Variants in LAMA3 observed in about 807,000 individuals in gnomAD.
LAMA3 encodes laminin subunit alpha-3.
A neutral mutation model predicts 402.0 loss-of-function variants in LAMA3; 281 were observed. That is an observed-to-expected ratio of 0.70 (90% CI 0.63 to 0.77). LAMA3 has a LOEUF of 0.77. Among genes scored for constraint, LAMA3 ranks in the 30% least tolerant of loss-of-function variants. LAMA3 has a pLI of 0.00. For missense variants in LAMA3, 3,840 were observed against 4,215.5 expected, an observed-to-expected ratio of 0.91 and a Z score of 2.47; for synonymous variants, 1,431 against 1,558.4, an observed-to-expected ratio of 0.92 and a Z score of 1.93.
At chr18:23,756,207 G>C (rs1251824052) in intron 6 of LAMA3, among the ~76,000 whole-genome samples, 20 of 152,052 alleles carry the variant, frequency 1.3e-4, no homozygotes. Flanking sequence ...ACCCTCTCTT[G>C]GGAATAAAAC....
chr18:23,770,259 A>C (rs758806531), intron 8 of LAMA3, among the ~76,000 whole-genome samples: 1 of 152,240 alleles, frequency 6.6e-6, no homozygotes, highest in Non-Finnish European at 1.5e-5. Context: ...ACTTCTGCTC[A>C]AAACAAAACA....
chr18:23,690,163 G>A (rs539368649), intron 1 of LAMA3, among the ~76,000 whole-genome samples, 186 bp downstream of exon 1: 14 of 152,300 alleles, frequency 9.2e-5, no homozygotes, highest in Admixed American at 9.1e-4. Context: ...GCACCGCACC[G>A]GCACCACCGG....
At chr18:23,950,252 G>C in intron 72 of LAMA3, 93 bp downstream of exon 72, 1 of 1,423,536 alleles carries the variant, frequency 7.0e-7, no homozygotes, top group Non-Finnish European at 9.9e-7. Context: ...TAGAGAATGG[G>C]ATCCAATCTT....
At chr18:23,926,710 G>T (rs1419775916) in intron 62 of LAMA3, among the ~76,000 whole-genome samples, 1 of 152,164 alleles carries the variant, frequency 6.6e-6, no homozygotes, top group African/African-American at 2.4e-5. Context: ...TATTTGCCTG[G>T]ACTTCAGTTA....
intron 34 of LAMA3, among the ~76,000 whole-genome samples, chr18:23,860,261 C>CTTTTTTTTTTTTTT (rs59852195): frequency 8.9e-6 from 1 of 112,650 alleles, no homozygotes. Flanking sequence ...CTTTTCTTTT[C>CTTTTTTTTTTTTTT]TTTTTTTTTT....
chr18:23,816,702 A>G (rs1363338404), intron 18 of LAMA3, among the ~76,000 whole-genome samples: 1 of 152,182 alleles, frequency 6.6e-6, no homozygotes, highest in Non-Finnish European at 1.5e-5. Flanking sequence ...TGTGTAGACC[A>G]TGAAGTACTT....
At chr18:23,714,168 CTT>C in intron 2 of LAMA3, 96 bp downstream of exon 2, 1 of 1,254,902 alleles carries the variant, frequency 8.0e-7, no homozygotes, top group Non-Finnish European at 1.1e-6. Context: ...AAAAAACAAA[CTT>C]CAGTTTTAAT....
rs145617973 is a variant in LAMA3, at chr18:23,807,035, T to C, written c.1604-3331T>C. Among the ~76,000 whole-genome samples, 11 of 152,354 alleles carry C rather than the reference T, an allele frequency of 7.2e-5. No homozygotes were observed. In the East Asian group the frequency reaches 2.1e-3, roughly 29 times the overall value. ...TTTGATTAGGAGTATCTAATAGTGA[T>C]ATTTTTGTGTATCTCTATTACCACA... On this transcript the variant is annotated intron_variant, in intron 12 of 74. Coordinates refer to ENST00000313654, the MANE Select transcript of LAMA3 (RefSeq NM_198129.4).
At chr18:23,837,138 C>G in intron 25 of LAMA3, 49 bp downstream of exon 25, 1 of 1,298,620 alleles carries the variant, frequency 7.7e-7, no homozygotes, top group Non-Finnish European at 1.1e-6. Context: ...TTGCTGATAT[C>G]TATATTTTTT....
chr18:23,760,961 A>G (rs778339676), intron 7 of LAMA3, among the ~76,000 whole-genome samples: 2 of 151,908 alleles, frequency 1.3e-5, no homozygotes, highest in Non-Finnish European at 2.9e-5. Flanking sequence ...CCCATCTCCT[A>G]ATAACTGGTG....
At chr18:23,953,267 G>C (rs1205733548) in intron 74 of LAMA3, among the ~76,000 whole-genome samples, 158 bp downstream of exon 74, 1 of 151,748 alleles carries the variant, frequency 6.6e-6, no homozygotes, top group Non-Finnish European at 1.5e-5. Flanking sequence ...AGGAGCACTT[G>C]TCAGGTCAGC....
intron 1 of LAMA3, among the ~76,000 whole-genome samples, chr18:23,704,308 C>G (rs1377415627): frequency 2.0e-5 from 3 of 152,174 alleles, no homozygotes; most frequent in Non-Finnish European, 4.4e-5. Flanking sequence ...CCGTCCAAAT[C>G]TAAGACAGCA....
At chr18:23,884,047 GGTGTGTGT>G (rs60711151) in intron 40 of LAMA3, among the ~76,000 whole-genome samples, 4,638 of 138,778 alleles carry the variant, frequency 0.033, 96 homozygotes, top group Middle Eastern at 0.057. Flanking sequence ...TGGTCTCTTT[GGTGTGTGT>G]GTGTGTGTGT....
In LAMA3 at chr18:23,785,248, C is replaced by T. The variant is rs559360230; in HGVS notation, c.1603+1091C>T. On this transcript the variant is annotated intron_variant, in intron 12 of 74. Coordinates refer to ENST00000313654, the MANE Select transcript of LAMA3 (RefSeq NM_198129.4). ...GCAAACCCAATTGGCATCCAGAGCC[C>T]TGCCCCAACAGAGTCTGAGAAGTGC... 7.2e-5 allele frequency among the ~76,000 whole-genome samples: 11 copies of T among 152,328 alleles called. No individual in the cohort carries two copies. In the South Asian group the frequency reaches 2.3e-3, roughly 32 times the overall value.
intron 70 of LAMA3, among the ~76,000 whole-genome samples, chr18:23,949,002 T>G (rs2082808448): frequency 6.6e-6 from 1 of 152,188 alleles, no homozygotes; most frequent in African/African-American, 2.4e-5. Flanking sequence ...CTTGAGAATT[T>G]TATGAAATTT....
In LAMA3 at chr18:23,950,009, C is replaced by T. The variant is rs1217983839; in HGVS notation, c.9512-20C>T. The T allele has an allele frequency of 6.2e-7, 1 of 1,613,962 alleles. No homozygotes were observed. Among genetic ancestry groups the T allele is most frequent in the Admixed American group, 1.7e-5 (1 of 59,986 alleles). Reference sequence around the variant, plus strand: ...TTTCATGGTGATGCTTTAACTTTTGCTTTGTTTCTCTTTTGAAAGCTCACT... The same window carrying T: ...TTTCATGGTGATGCTTTAACTTTTGTTTTGTTTCTCTTTTGAAAGCTCACT... On this transcript the variant is annotated intron_variant, in intron 71 of 74. Coordinates refer to ENST00000313654, the MANE Select transcript of LAMA3 (RefSeq NM_198129.4).
chr18:23,846,359 A>T lies in LAMA3; in HGVS notation c.3782A>T (p.Lys1261Met). 6.2e-7 allele frequency: 1 copy of T among 1,614,218 alleles called. No homozygotes were observed. Among genetic ancestry groups the T allele is most frequent in the East Asian group, 2.2e-5 (1 of 44,886 alleles). ...AGGTCCCTGGTGGCCTTTTACCACAAGGGCGCCCTGCCTTGTGAGTGCCAC... is the reference window on the plus strand; with the variant it reads ...AGGTCCCTGGTGGCCTTTTACCACATGGGCGCCCTGCCTTGTGAGTGCCAC... ...SARSLVAFYHKGALPCECHPT... is the reference protein window; with the variant it reads ...SARSLVAFYHMGALPCECHPT... The change falls in exon 31 of 75, where the codon AAG (lysine) becomes ATG (methionine). Residue 1261 changes from lysine to methionine, a missense_variant. By Grantham distance (95) the Lys-to-Met change is moderately conservative (BLOSUM62 -1). Coordinates refer to ENST00000313654, the MANE Select transcript of LAMA3 (RefSeq NM_198129.4).
chr18:23,941,770 TAGTC>T (rs1363627241), intron 68 of LAMA3, among the ~76,000 whole-genome samples: 1 of 152,212 alleles, frequency 6.6e-6, no homozygotes, highest in African/African-American at 2.4e-5. Context: ...TTTTGGGTGT[TAGTC>T]AGTTAGTCTT....
At chr18:23,771,824 A>G (rs1156816441) in intron 8 of LAMA3, among the ~76,000 whole-genome samples, 1 of 152,216 alleles carries the variant, frequency 6.6e-6, no homozygotes, top group Non-Finnish European at 1.5e-5. Flanking sequence ...ATTTTTCAAG[A>G]TAAAATGTTG....
Sources: allele counts gnomAD v4.1 joint callset (sites outside exome capture counted in the v4.1 genomes callset), GRCh38; gene constraint gnomAD v4.1.1; transcripts MANE v1.5; gene names NCBI Gene and HGNC (gene_info 2026-07-23, HGNC 2026-07-21).